ZFHX3: variants seen among roughly 807,000 people sequenced by gnomAD.
ZFHX3 encodes the protein zinc finger homeobox protein 3.
ZFHX3 carries 42 observed loss-of-function variants against 279.1 expected under a neutral mutation model. That is an observed-to-expected ratio of 0.15 (90% CI 0.12 to 0.19). ZFHX3 has a LOEUF of 0.19. Ranked by LOEUF, ZFHX3 falls within the 10% of genes least tolerant of loss-of-function variation. The probability of loss-of-function intolerance (pLI) is 1.00; values close to 1 mark genes in which losing one functional copy is unlikely to be tolerated. For synonymous variants in ZFHX3, 2,293 were observed against 1,957.8 expected (o/e 1.17, Z -4.52); for missense variants, 4,981 against 4,754.0 (o/e 1.05, Z -1.40).
chr16:73,882,558 A>G (rs971733816), intron 1 of ZFHX3, among the ~76,000 whole-genome samples: 6 of 151,926 alleles, frequency 3.9e-5, no homozygotes, highest in African/African-American at 1.5e-4. Context: ...CTGAGTCCTC[A>G]TGGGGACTAT....
chr16:73,215,114 C>A (rs926983638), intron 5 of ZFHX3, among the ~76,000 whole-genome samples: 1 of 152,054 alleles, frequency 6.6e-6, no homozygotes, highest in African/African-American at 2.4e-5. Flanking sequence ...ACTAATTATA[C>A]CAGTCCCATA....
At chr16:73,441,270 TA>T (rs1567485066) in intron 3 of ZFHX3, among the ~76,000 whole-genome samples, 2 of 152,066 alleles carry the variant, frequency 1.3e-5, no homozygotes, top group African/African-American at 4.8e-5. Context: ...GCTGTAAAAA[TA>T]AAGGGTATAA....
intron 2 of ZFHX3, chr16:73,554,249 T>G (rs796711949): frequency 6.6e-6 from 1 of 151,934 alleles, no homozygotes; most frequent in African/African-American, 2.4e-5. Flanking sequence ...ATAGAACGAT[T>G]TTTTTTTCTT....
intron 5 of ZFHX3, among the ~76,000 whole-genome samples, chr16:73,249,040 C>A (rs533447932): frequency 3.3e-5 from 5 of 152,296 alleles, no homozygotes; most frequent in African/African-American, 1.2e-4. Flanking sequence ...GACAAGCTCA[C>A]AAGTGTCAGT....
At chr16:73,410,666 T>C (rs1473679801) in intron 3 of ZFHX3, among the ~76,000 whole-genome samples, 4 of 151,208 alleles carry the variant, frequency 2.6e-5, no homozygotes, top group African/African-American at 9.8e-5. Context: ...CATCTCCTGC[T>C]CTTGGACCAG....
At chr16:73,541,377 T>A (rs1459941723) in intron 2 of ZFHX3, among the ~76,000 whole-genome samples, 1 of 151,884 alleles carries the variant, frequency 6.6e-6, no homozygotes, top group African/African-American at 2.4e-5. Context: ...TCCCAGCTAC[T>A]CAAGAGGCTA....
intron 5 of ZFHX3, among the ~76,000 whole-genome samples, chr16:72,819,315 A>T (rs2036710814): frequency 6.9e-6 from 1 of 144,476 alleles, no homozygotes; most frequent in South Asian, 2.2e-4. Flanking sequence ...GGAAAGCTCC[A>T]TGCCTCCCTA....
At chr16:72,900,411 T>C (rs2039006670) in intron 3 of ZFHX3, among the ~76,000 whole-genome samples, 1 of 152,238 alleles carries the variant, frequency 6.6e-6, no homozygotes. Context: ...GGTGTGCTAC[T>C]TCATCTATAA....
rs59350988 is a variant in ZFHX3 at position 72,974,568 on chromosome 16, A to AACACACACACACACACACACACAC, written c.-49-14398_-49-14375dup. Among the ~76,000 whole-genome samples the AACACACACACACACACACACACAC allele has an allele frequency of 1.6e-3, 233 of 148,364 alleles. 1 individual carries two copies. The highest frequency in any genetic ancestry group is 2.0e-3 in the Non-Finnish European group (131 of 67,058). ...CCCTTTGGAGGCTCACTGATAGGGC[A>AACACACACACACACACACACACAC]ACACACACACACACACACACACACA... On this transcript the variant is annotated intron_variant, in intron 1 of 9. Coordinates refer to ENST00000268489, the MANE Select transcript of ZFHX3 (RefSeq NM_006885.4).
At chr16:72,956,249 A>G (rs936967466) in intron 2 of ZFHX3, among the ~76,000 whole-genome samples, 4 of 152,194 alleles carry the variant, frequency 2.6e-5, no homozygotes, top group African/African-American at 4.8e-5. Flanking sequence ...CATCTAAGCC[A>G]TCCTGGAAAA....
At chr16:73,148,891 G>C (rs1966882212) in intron 5 of ZFHX3, among the ~76,000 whole-genome samples, 1 of 151,900 alleles carries the variant, frequency 6.6e-6, no homozygotes. Context: ...AGGCTGCAGT[G>C]AGCCTAGATG....
Position 72,795,339 on chromosome 16 carries a change from C to T in ZFHX3, c.7343G>A (p.Gly2448Glu), listed in dbSNP as rs369961224. ...CTGCTGCAGCTCTGGCTTTGGTTGT[C>T]CTTGCTTTTCTTGGGTTTGGTTTGG... ...AQPNQTQEKQ[G>E]QPKPELQQQE... The change falls in exon 9 of 10, where the codon GGA (glycine) becomes GAA (glutamate). Residue 2448 changes from glycine (G) to glutamate (E), a missense_variant. This residue lies in a region of ZFHX3 where 744 missense variants were observed against 701.3 expected (regional missense o/e 1.06). Transcript: ENST00000268489. 32 of 1,614,026 alleles carry T rather than the reference C, an allele frequency of 2.0e-5. No homozygotes were observed. The African/African-American group carries it at 3.7e-4, about 19-fold the overall frequency.
intron 7 of ZFHX3, among the ~76,000 whole-genome samples, chr16:73,121,748 T>G (rs1388995814): frequency 2.6e-5 from 4 of 151,988 alleles, no homozygotes; most frequent in South Asian, 2.1e-4. Flanking sequence ...CCCAAGTAGC[T>G]GGGACTACAG....
chr16:73,534,555 G>C (rs1192562794), intron 2 of ZFHX3, among the ~76,000 whole-genome samples: 1 of 152,158 alleles, frequency 6.6e-6, no homozygotes, highest in Non-Finnish European at 1.5e-5. Flanking sequence ...CTCACTGATA[G>C]ATCTCACACT....
intron 4 of ZFHX3, among the ~76,000 whole-genome samples, chr16:72,880,471 G>C (rs1173031613): frequency 1.3e-5 from 2 of 152,136 alleles, no homozygotes; most frequent in Non-Finnish European, 2.9e-5. Context: ...ACAGAGACCA[G>C]GCTATATGAG....
intron 5 of ZFHX3, among the ~76,000 whole-genome samples, chr16:73,153,209 C>T (rs987974472): frequency 6.6e-6 from 1 of 152,184 alleles, no homozygotes; most frequent in African/African-American, 2.4e-5. Flanking sequence ...AAGTTTCTCC[C>T]AGAGCTCTCA....
chr16:73,709,145 T>C (rs1383723175), intron 1 of ZFHX3, among the ~76,000 whole-genome samples: 1 of 151,624 alleles, frequency 6.6e-6, no homozygotes, highest in African/African-American at 2.4e-5. Flanking sequence ...ATCCTAAGAG[T>C]CCATCTGCAG....
chr16:72,787,697 C>T lies in ZFHX3; in HGVS notation c.10579G>A (p.Gly3527Ser), dbSNP rs1345510678. Residue 3527 changes from glycine (G) to serine (S), a missense_variant, in exon 10 of 10, where the codon GGC (glycine) becomes AGC (serine). Transcript: ENST00000268489. ...TCGCACGCCAGGCAGTGGTACGAGC[C>T]GCCGCCGCCGCCGCCGCCGCCACCG... ...GGGGGGGGGGGSYHCLACESA... is the reference protein window; with the variant it reads ...GGGGGGGGGGSSYHCLACESA... 3 of 1,238,476 alleles carry T rather than the reference C, an allele frequency of 2.4e-6. No homozygotes were observed. The highest frequency in any genetic ancestry group is 3.1e-6 in the Non-Finnish European group (3 of 955,100). The allele number at this position is 1,238,476 out of a possible 1,614,324, so 76.7% of individuals were successfully genotyped here.
chr16:73,870,404 C>T (rs768689699), intron 1 of ZFHX3, among the ~76,000 whole-genome samples: 22 of 152,148 alleles, frequency 1.4e-4, no homozygotes, highest in Non-Finnish European at 2.2e-4. Flanking sequence ...TTCAGTCCTA[C>T]GGAGGAGAGA....
Sources: gnomAD v4.1 joint callset for allele counts (sites outside exome capture counted in the v4.1 genomes callset) on GRCh38, gnomAD v4.1.1 for gene constraint, gnomAD v4.1.1 regional missense constraint, MANE v1.5 for transcripts, NCBI Gene and HGNC (gene_info 2026-07-23, HGNC 2026-07-21) for gene names.